The following GALNT16 variants were observed in gnomAD, a reference collection of about 807,000 sequenced individuals.
GALNT16 encodes polypeptide N-acetylgalactosaminyltransferase 16, also known as UDP-GalNAc:polypeptide N-acetylgalactosaminyltransferase-like protein 1.
A neutral mutation model predicts 76.1 loss-of-function variants in GALNT16; 40 were observed. The ratio of observed to expected loss-of-function variants is 0.53; its 90% CI spans 0.41 to 0.68. The LOEUF (loss-of-function observed/expected upper bound fraction) is 0.68. Among genes scored for constraint, GALNT16 ranks in the 30% least tolerant of loss-of-function variants. GALNT16 has a pLI of 0.00. For synonymous variants in GALNT16, 276 were observed against 285.2 expected (o/e 0.97, Z 0.32); for missense variants, 621 against 731.9 (o/e 0.85, Z 1.75).
intron 1 of GALNT16, among the ~76,000 whole-genome samples, chr14:69,300,219 C>T (rs1311350758): frequency 6.6e-6 from 1 of 151,942 alleles, no homozygotes; most frequent in Non-Finnish European, 1.5e-5. Flanking sequence ...GTGTGTGCTA[C>T]ACCCGCACAC....
At position 69,346,019 on chromosome 14, in the gene GALNT16, G is replaced by T. The variant is rs114526799; in HGVS notation, c.1272-1021G>T. The stretch of plus-strand genomic sequence containing the variant: ...CCTCCAACCTTAGCCTCCCAAGTAC[G>T]TGGGACTATAGGCATGTGCCACTGT... On this transcript the variant is annotated intron_variant, in intron 12 of 14. Coordinates refer to ENST00000448469, the MANE Select transcript of GALNT16 (RefSeq NM_001168368.2). 8.7e-3 allele frequency among the ~76,000 whole-genome samples: 1,317 copies of T among 151,902 alleles called. 25 individuals are homozygous for T. Among genetic ancestry groups the T allele is most frequent in the African/African-American group, 0.031 (1,270 of 41,378 alleles).
chr14:69,320,594 TG>T, intron 1 of GALNT16, 116 bp from the exon 2 acceptor site: 1 of 750,580 alleles, frequency 1.3e-6, no homozygotes, highest in Non-Finnish European at 2.3e-6. Context: ...CTCATAGAGT[TG>T]GCGTAAGGCA....
At chr14:69,285,294 G>A (rs1325845964) in intron 1 of GALNT16, among the ~76,000 whole-genome samples, 2 of 152,126 alleles carry the variant, frequency 1.3e-5, no homozygotes, top group African/African-American at 2.4e-5. Context: ...AAAGTGCTGG[G>A]ATTGCAGGCT....
the GALNT16 span, among the ~76,000 whole-genome samples, chr14:69,381,000 T>C: frequency 6.6e-6 from 1 of 152,312 alleles, no homozygotes; most frequent in South Asian, 2.1e-4. Context: ...ACAAAAAAAT[T>C]GGCTGGGTGC....
chr14:69,368,895 C>T, the GALNT16 span, among the ~76,000 whole-genome samples: 3 of 152,208 alleles, frequency 2.0e-5, no homozygotes, highest in Non-Finnish European at 4.4e-5. Flanking sequence ...ACTAACACTT[C>T]AAGGGAAGCA....
intron 1 of GALNT16, among the ~76,000 whole-genome samples, chr14:69,307,248 G>A (rs1260792700): frequency 1.3e-5 from 2 of 152,134 alleles, no homozygotes; most frequent in South Asian, 2.1e-4. Flanking sequence ...TCTCTGGGGC[G>A]CAATGAACAC....
chr14:69,308,051 C>A (rs371127635), intron 1 of GALNT16, among the ~76,000 whole-genome samples: 1 of 152,166 alleles, frequency 6.6e-6, no homozygotes, highest in African/African-American at 2.4e-5. Flanking sequence ...TTGCTCCTCT[C>A]CCTCCTCCAC....
chr14:69,368,049 T>G, the GALNT16 span, among the ~76,000 whole-genome samples: 1 of 152,026 alleles, frequency 6.6e-6, no homozygotes, highest in African/African-American at 2.4e-5. Context: ...AGTGATATAA[T>G]CAGATTTTCA....
At chr14:69,346,851 G>A (rs1427077719) in intron 12 of GALNT16, among the ~76,000 whole-genome samples, 189 bp from the exon 13 acceptor site, 4 of 152,186 alleles carry the variant, frequency 2.6e-5, no homozygotes, top group African/African-American at 9.6e-5. Context: ...AGAACCCCTG[G>A]GGCCGAGGCC....
intron 1 of GALNT16, among the ~76,000 whole-genome samples, chr14:69,316,081 G>A (rs900061560): frequency 6.6e-6 from 1 of 152,208 alleles, no homozygotes; most frequent in African/African-American, 2.4e-5. Context: ...GCCTAGCCAG[G>A]GTCTTGTGCT....
In GALNT16 at chr14:69,324,762, C is replaced by T. The variant is rs761614171; in HGVS notation, c.406C>T (p.Arg136Cys). Residue 136 changes from arginine (R) to cysteine (C), a missense_variant, in exon 3 of 15, where the codon CGT becomes TGT. Coordinates refer to ENST00000448469, the MANE Select transcript of GALNT16 (RefSeq NM_001168368.2). ...SVIITFHNEA[R>C]STLLRTVKSV... ...CATCATCACCTTCCACAATGAGGCC[C>T]GTTCCACCCTGCTGCGCACAGTGAA... is the stretch of plus-strand genomic sequence containing the variant. 1.2e-5 allele frequency: 19 copies of T among 1,612,380 alleles called. No homozygotes were observed. Among genetic ancestry groups the T allele is most frequent in the Admixed American group, 5.0e-5 (3 of 59,866 alleles).
the GALNT16 span, among the ~76,000 whole-genome samples, chr14:69,371,902 C>T: frequency 1.3e-5 from 2 of 151,902 alleles, no homozygotes; most frequent in South Asian, 2.1e-4. Context: ...CGAGATCGTG[C>T]CACTGCACTC....
At chr14:69,311,992 C>A (rs2045027873) in intron 1 of GALNT16, among the ~76,000 whole-genome samples, 1 of 150,518 alleles carries the variant, frequency 6.6e-6, no homozygotes, top group African/African-American at 2.5e-5. Context: ...GGCTTGAGGC[C>A]AGGAATTTGA....
rs1297973957 is a variant in GALNT16, at chr14:69,261,703, G to A, written c.177+1236G>A. Among the ~76,000 whole-genome samples the A allele has an allele frequency of 6.6e-6, 1 of 152,166 alleles. No individual in the cohort carries two copies. Among genetic ancestry groups the A allele is most frequent in the Non-Finnish European group, 1.5e-5 (1 of 68,024 alleles). On this transcript the variant is annotated intron_variant, in intron 1 of 14. Transcript: ENST00000448469. The surrounding 1 kb of genome is among the most constrained non-coding windows in gnomAD (Gnocchi z 6.4). Reference sequence around the variant, plus strand: ...ATCTGAACCCCAGGAATATCGGGAAGTTCATTGGAGAGTGTCCCCTCATAT... The same window carrying A: ...ATCTGAACCCCAGGAATATCGGGAAATTCATTGGAGAGTGTCCCCTCATAT...
At chr14:69,362,003 T>C (rs753883227), downstream of GALNT16, among the ~76,000 whole-genome samples, 11 of 152,054 alleles carry the variant, frequency 7.2e-5, no homozygotes, top group Non-Finnish European at 1.2e-4. Context: ...TGAGACTCCA[T>C]CTCAAAATAA....
intron 3 of GALNT16, 51 bp downstream of exon 3, chr14:69,324,841 A>T (rs771365791): frequency 8.1e-7 from 1 of 1,230,198 alleles, no homozygotes; most frequent in African/African-American, 1.5e-5. Context: ...AGGGGAGGAC[A>T]TTGGGATTGG....
At chr14:69,335,065 C>T (rs558286913) in intron 9 of GALNT16, among the ~76,000 whole-genome samples, 12 of 152,264 alleles carry the variant, frequency 7.9e-5, no homozygotes, top group South Asian at 2.1e-4. Context: ...GATTTCAGTC[C>T]GGAAACTCCA....
chr14:69,334,726 C>T (rs1413538508), intron 9 of GALNT16, among the ~76,000 whole-genome samples: 1 of 152,162 alleles, frequency 6.6e-6, no homozygotes, highest in African/African-American at 2.4e-5. Context: ...GCTAAACACT[C>T]ACCCTCACTC....
chr14:69,279,534 G>A (rs1367850697), intron 1 of GALNT16, among the ~76,000 whole-genome samples: 1 of 152,212 alleles, frequency 6.6e-6, no homozygotes, highest in African/African-American at 2.4e-5. Context: ...TGTGCAACGA[G>A]CACTAAGCTA....
Sources: allele counts gnomAD v4.1 joint callset (sites outside exome capture counted in the v4.1 genomes callset), GRCh38; gene constraint gnomAD v4.1.1; non-coding constraint Gnocchi (gnomAD v3.1); transcripts MANE v1.5; gene names NCBI Gene and HGNC (gene_info 2026-07-23, HGNC 2026-07-21).